CACNA1E: variants seen among roughly 807,000 people sequenced by gnomAD.
The protein encoded by CACNA1E is voltage-dependent R-type calcium channel subunit alpha-1E.
Under a neutral mutation model 259.2 loss-of-function variants are expected in CACNA1E, and 40 were observed. That is an observed-to-expected ratio of 0.15 (90% CI 0.12 to 0.20). The LOEUF (loss-of-function observed/expected upper bound fraction) is 0.20. CACNA1E is among the 10% of genes least tolerant of loss of function. The probability of loss-of-function intolerance (pLI) is 1.00; values close to 1 mark genes in which losing one functional copy is unlikely to be tolerated. For missense variants in CACNA1E, 1,874 were observed against 3,040.1 expected (o/e 0.62, Z 9.02); for synonymous variants, 1,104 against 1,138.5 (o/e 0.97, Z 0.61).
chr1:181,476,363 G>A (rs1662851171), intron 2 of CACNA1E, among the ~76,000 whole-genome samples: 1 of 152,194 alleles, frequency 6.6e-6, no homozygotes, highest in South Asian at 2.1e-4. Context: ...GTGATGGACA[G>A]GTGGTGGCTT....
intron 1 of CACNA1E, among the ~76,000 whole-genome samples, chr1:181,360,678 C>T (rs991150649): frequency 3.9e-5 from 6 of 152,064 alleles, no homozygotes; most frequent in Admixed American, 6.6e-5. Context: ...GGTTGTAAAA[C>T]GTTGTGAATA....
intron 18 of CACNA1E, among the ~76,000 whole-genome samples, chr1:181,730,788 A>C (rs575639236): frequency 2.0e-5 from 3 of 152,266 alleles, no homozygotes; most frequent in African/African-American, 4.8e-5. Flanking sequence ...CCTAGAAATG[A>C]CTCGGGGGAG....
chr1:181,735,553 T>C (rs1197285944), intron 21 of CACNA1E, among the ~76,000 whole-genome samples: 1 of 152,216 alleles, frequency 6.6e-6, no homozygotes, highest in East Asian at 1.9e-4. Context: ...GTCTTGAGTA[T>C]GGAAACAGAG....
intron 1 of CACNA1E, among the ~76,000 whole-genome samples, chr1:181,369,536 T>G (rs1654530208): frequency 6.6e-6 from 1 of 152,210 alleles, no homozygotes; most frequent in African/African-American, 2.4e-5. Flanking sequence ...TACATAGGCC[T>G]CAAAGGTGGG....
chr1:181,690,290 G>C (rs1049328147), intron 7 of CACNA1E, among the ~76,000 whole-genome samples: 1 of 152,076 alleles, frequency 6.6e-6, no homozygotes, highest in African/African-American at 2.4e-5. Flanking sequence ...GGTTGTAGAT[G>C]TGTGGCATTA....
At chr1:181,761,631 A>G (rs559256834) in intron 32 of CACNA1E, among the ~76,000 whole-genome samples, 11 of 152,250 alleles carry the variant, frequency 7.2e-5, no homozygotes, top group African/African-American at 2.6e-4. Context: ...TCTCCTCTGA[A>G]TTTCTTTATT....
intron 3 of CACNA1E, among the ~76,000 whole-genome samples, chr1:181,560,225 CT>C (rs958022621): frequency 2.9e-4 from 42 of 142,504 alleles, no homozygotes; most frequent in African/African-American, 3.1e-4. Flanking sequence ...AACAACCTTG[CT>C]TTTTTTTTTA....
chr1:181,660,723 G>A lies in CACNA1E; in HGVS notation c.1055+9282G>A, dbSNP rs187622563. Among the ~76,000 whole-genome samples the A allele has an allele frequency of 2.7e-3, 410 of 152,306 alleles. 2 individuals carry two copies. The highest frequency in any genetic ancestry group is 9.6e-3 in the African/African-American group (400 of 41,568). Reference sequence around the variant, plus strand: ...TCATGCCCAGCTCAGTGTTCCAGATGAGATCTCTGAGGGGAGTTGGTGGGT... The same window carrying A: ...TCATGCCCAGCTCAGTGTTCCAGATAAGATCTCTGAGGGGAGTTGGTGGGT... On this transcript the variant is annotated intron_variant, in intron 7 of 47. Transcript: ENST00000367573.
chr1:181,399,098 A>G (rs1022816572), intron 1 of CACNA1E, among the ~76,000 whole-genome samples: 3 of 152,098 alleles, frequency 2.0e-5, no homozygotes, highest in East Asian at 3.9e-4. Context: ...TCTTCCCAGT[A>G]TTGTGACCTT....
At chr1:181,707,206 G>A (rs572530991) in intron 7 of CACNA1E, among the ~76,000 whole-genome samples, 1 of 152,368 alleles carries the variant, frequency 6.6e-6, no homozygotes, top group South Asian at 2.1e-4. Flanking sequence ...GCTTGATAAA[G>A]CATCATAAAG....
intron 6 of CACNA1E, among the ~76,000 whole-genome samples, chr1:181,606,573 A>G (rs1318540882): frequency 6.6e-6 from 1 of 152,112 alleles, no homozygotes; most frequent in Non-Finnish European, 1.5e-5. Flanking sequence ...TCTTCAATCC[A>G]TTCTCTACTC....
At chr1:181,557,051 G>C (rs1648802404) in intron 3 of CACNA1E, among the ~76,000 whole-genome samples, 1 of 152,174 alleles carries the variant, frequency 6.6e-6, no homozygotes, top group Non-Finnish European at 1.5e-5. Context: ...GGCCCTGGGA[G>C]AAGGGATTTT....
chr1:181,455,808 C>T (rs938710684), intron 2 of CACNA1E, among the ~76,000 whole-genome samples: 1 of 152,186 alleles, frequency 6.6e-6, no homozygotes, highest in Non-Finnish European at 1.5e-5. Context: ...CTGGGCCCTA[C>T]ACCCTAGGCC....
intron 3 of CACNA1E, among the ~76,000 whole-genome samples, chr1:181,557,603 A>G (rs1016375921): frequency 2.6e-5 from 4 of 152,194 alleles, no homozygotes; most frequent in Non-Finnish European, 5.9e-5. Flanking sequence ...GTGCCCTCGC[A>G]TCAGGCTGTG....
chr1:181,739,092 T>C, intron 24 of CACNA1E, 55 bp from the exon 25 acceptor site: 1 of 1,024,824 alleles, frequency 9.8e-7, no homozygotes, highest in Non-Finnish European at 1.6e-6. Context: ...AGAGCTCAGG[T>C]CAAGTGTTGC....
intron 7 of CACNA1E, among the ~76,000 whole-genome samples, chr1:181,691,206 A>G (rs965231524): frequency 5.3e-5 from 8 of 151,294 alleles, no homozygotes; most frequent in African/African-American, 2.0e-4. Context: ...ATATATGTGT[A>G]TATATATATT....
intron 37 of CACNA1E, among the ~76,000 whole-genome samples, chr1:181,773,874 G>T (rs1287885207): frequency 6.6e-6 from 1 of 152,196 alleles, no homozygotes; most frequent in Non-Finnish European, 1.5e-5. Context: ...GAGACAGAGG[G>T]TGCTGCATAA....
At chr1:181,439,333 A>AT (rs10708641) in intron 2 of CACNA1E, among the ~76,000 whole-genome samples, 12,108 of 147,936 alleles carry the variant, frequency 0.082, 915 homozygotes, top group African/African-American at 0.2. Context: ...CCAAATTTAG[A>AT]TTTTTTTTTT....
At chr1:181,480,009 G>T (rs1341903686), upstream of CACNA1E, among the ~76,000 whole-genome samples, 2 of 152,174 alleles carry the variant, frequency 1.3e-5, no homozygotes, top group East Asian at 3.8e-4. Flanking sequence ...GTAGCCACTG[G>T]CGGGGCGCAA....
Sources: gnomAD v4.1 joint callset for allele counts (sites outside exome capture counted in the v4.1 genomes callset) on GRCh38, gnomAD v4.1.1 for gene constraint, MANE v1.5 for transcripts, NCBI Gene and HGNC (gene_info 2026-07-23, HGNC 2026-07-21) for gene names.